Variants in NAV1 observed in about 807,000 individuals in gnomAD.
NAV1 encodes pore membrane and/or filament interacting like protein 3.
A neutral mutation model predicts 175.2 loss-of-function variants in NAV1; 18 were observed. That is an observed-to-expected ratio of 0.10 (90% confidence interval 0.07 to 0.15). The LOEUF (loss-of-function observed/expected upper bound fraction) is 0.15, where lower values mean the gene tolerates loss of function less well. NAV1 is among the 10% of genes least tolerant of loss of function. The pLI is 1.00. For missense variants in NAV1, 1,731 were observed against 2,436.6 expected, an observed-to-expected ratio of 0.71 and a Z score of 6.10; for synonymous variants, 897 against 978.7, an observed-to-expected ratio of 0.92 and a Z score of 1.56.
At chr1:201,758,311 T>G (rs1204733312) in intron 3 of NAV1, among the ~76,000 whole-genome samples, 1 of 152,220 alleles carries the variant, frequency 6.6e-6, no homozygotes, top group Non-Finnish European at 1.5e-5. Flanking sequence ...CATATGATGT[T>G]GACATTTTAT....
intron 1 of NAV1, among the ~76,000 whole-genome samples, chr1:201,554,992 C>T (rs933608668): frequency 3.9e-5 from 6 of 152,238 alleles, no homozygotes; most frequent in Non-Finnish European, 5.9e-5. Context: ...CTGCCTTCAC[C>T]GCTGCATGGC....
intron 1 of NAV1, among the ~76,000 whole-genome samples, chr1:201,555,901 G>A (rs746614245): frequency 6.6e-6 from 1 of 151,882 alleles, no homozygotes; most frequent in Non-Finnish European, 1.5e-5. Context: ...AACAGCTTCT[G>A]GGGTACTACT....
At chr1:201,731,096 G>T (rs1015667083) in intron 3 of NAV1, among the ~76,000 whole-genome samples, 2 of 152,130 alleles carry the variant, frequency 1.3e-5, no homozygotes, top group Non-Finnish European at 2.9e-5. Flanking sequence ...TAGCTACATT[G>T]GAGGCAGATC....
At chr1:201,802,136 CAAAAAA>C (rs771631007) in intron 15 of NAV1, among the ~76,000 whole-genome samples, 302 of 20,316 alleles carry the variant, frequency 0.015, 43 homozygotes, top group Non-Finnish European at 0.036. Flanking sequence ...GACTCCGTCT[CAAAAAA>C]AAAAAAAAAA....
chr1:201,785,396 G>T, intron 8 of NAV1, 45 bp downstream of exon 12: 1 of 1,571,714 alleles, frequency 6.4e-7, no homozygotes, highest in Admixed American at 1.8e-5. Context: ...TGGGACTGCT[G>T]GTATGTATGA....
At chr1:201,675,815 C>G (rs1670228786) in intron 1 of NAV1, among the ~76,000 whole-genome samples, 1 of 152,162 alleles carries the variant, frequency 6.6e-6, no homozygotes, top group Non-Finnish European at 1.5e-5. Context: ...CTATCTGGAA[C>G]CATTTTCTGA....
chr1:201,602,053 A>G (rs1226829821), intron 2 of NAV1, among the ~76,000 whole-genome samples: 1 of 152,148 alleles, frequency 6.6e-6, no homozygotes, highest in Non-Finnish European at 1.5e-5. Context: ...CTGACCCACC[A>G]GAGAGAATGG....
chr1:201,611,601 C>T (rs1468602938), intron 2 of NAV1, among the ~76,000 whole-genome samples: 1 of 152,210 alleles, frequency 6.6e-6, no homozygotes, highest in Non-Finnish European at 1.5e-5. Flanking sequence ...GTTACTTCCT[C>T]TCAAGCATAG....
intron 1 of NAV1, among the ~76,000 whole-genome samples, chr1:201,696,158 A>G (rs1671180918): frequency 6.6e-6 from 1 of 152,014 alleles, no homozygotes; most frequent in Non-Finnish European, 1.5e-5. Context: ...CCAGTCCCAC[A>G]CATGTGTTAC....
intron 3 of NAV1, among the ~76,000 whole-genome samples, chr1:201,754,003 A>G (rs1408929037): frequency 6.6e-6 from 1 of 152,196 alleles, no homozygotes; most frequent in African/African-American, 2.4e-5. Context: ...GGGAACTTGC[A>G]ATGGGATAAA....
intron 3 of NAV1, among the ~76,000 whole-genome samples, chr1:201,729,734 G>A (rs183838320): frequency 2.0e-5 from 3 of 151,556 alleles, no homozygotes; most frequent in East Asian, 3.9e-4. Flanking sequence ...GTGAAACCCC[G>A]TCTCTACTAA....
exon 4 of NAV1, chr1:201,780,459 A>G (rs1192352920): frequency 6.2e-7 from 1 of 1,614,114 alleles, no homozygotes; most frequent in African/African-American, 1.3e-5. Context: ...GGACTCAGCG[A>G]TGCCTCAGAC....
intron 3 of NAV1, among the ~76,000 whole-genome samples, chr1:201,727,786 A>C (rs984199784): frequency 3.3e-5 from 5 of 152,140 alleles, no homozygotes; most frequent in African/African-American, 1.2e-4. Context: ...CGTGGAATAC[A>C]CCTCAGTGTT....
intron 1 of NAV1, among the ~76,000 whole-genome samples, chr1:201,712,253 C>A (rs4950755): frequency 6.6e-6 from 1 of 152,336 alleles, no homozygotes; most frequent in Admixed American, 6.5e-5. Context: ...CAGCTTGTAC[C>A]AGTTCCCCAG....
intron 24 of NAV1, among the ~76,000 whole-genome samples, chr1:201,811,264 G>A (rs1678675973): frequency 1.3e-5 from 2 of 152,156 alleles, no homozygotes; most frequent in Admixed American, 1.3e-4. Context: ...TGTCTCTTGA[G>A]TACCCTAATA....
At chr1:201,601,967 C>G (rs1667526426) in intron 2 of NAV1, among the ~76,000 whole-genome samples, 1 of 152,130 alleles carries the variant, frequency 6.6e-6, no homozygotes, top group African/African-American at 2.4e-5. Context: ...CCAGCCAGCT[C>G]AGGTTATCAG....
intron 2 of NAV1, among the ~76,000 whole-genome samples, chr1:201,634,431 A>G (rs1668559190): frequency 6.6e-6 from 1 of 152,138 alleles, no homozygotes; most frequent in Non-Finnish European, 1.5e-5. Context: ...GCTCTTAACC[A>G]TACGTTCTAT....
At chr1:201,563,107 G>C (rs1361576164) in intron 1 of NAV1, among the ~76,000 whole-genome samples, 1 of 152,154 alleles carries the variant, frequency 6.6e-6, no homozygotes, top group African/African-American at 2.4e-5. Flanking sequence ...GAGGATGTGT[G>C]GGGGAAGCTA....
chr1:201,687,181 G>A (rs1056105892), intron 1 of NAV1, among the ~76,000 whole-genome samples: 1 of 152,184 alleles, frequency 6.6e-6, no homozygotes, highest in Non-Finnish European at 1.5e-5. Context: ...TTTTACCACC[G>A]AATCCAAATA....
Sources: allele counts gnomAD v4.1 joint callset (sites outside exome capture counted in the v4.1 genomes callset), GRCh38; gene constraint gnomAD v4.1.1; transcripts MANE v1.5; gene names NCBI Gene and HGNC (gene_info 2026-07-23, HGNC 2026-07-21).